ZFR: variants seen among roughly 807,000 people sequenced by gnomAD.
The protein encoded by ZFR is zinc finger RNA binding protein.
ZFR carries 19 observed loss-of-function variants against 130.7 expected under a neutral mutation model. The ratio of observed to expected loss-of-function variants is 0.15; its 90% CI spans 0.10 to 0.21. The LOEUF (loss-of-function observed/expected upper bound fraction) is 0.21, where lower values mean the gene tolerates loss of function less well. Among genes scored for constraint, ZFR ranks in the 10% least tolerant of loss-of-function variants. ZFR has a pLI of 1.00. For synonymous variants in ZFR, 466 were observed against 456.9 expected (o/e 1.02, Z -0.25); for missense variants, 872 against 1,321.5 (o/e 0.66, Z 5.27).
intron 17 of ZFR, among the ~76,000 whole-genome samples, chr5:32,372,598 C>T (rs918291944): frequency 1.3e-5 from 2 of 151,798 alleles, no homozygotes; most frequent in South Asian, 2.1e-4. Context: ...TTTGGGAGGC[C>T]GAGGGGAGCA....
At chr5:32,379,515 T>G in intron 16 of ZFR, 1 of 292,236 alleles carries the variant, frequency 3.4e-6, no homozygotes, top group South Asian at 3.7e-5. Flanking sequence ...CTGCCTACAT[T>G]AGAAATAAAA....
At chr5:32,415,511 TGTGTGC>T (rs1293853976) in intron 4 of ZFR, among the ~76,000 whole-genome samples, 1,210 of 93,508 alleles carry the variant, frequency 0.013, 9 homozygotes, top group African/African-American at 0.059. Flanking sequence ...TGTGTGTGTG[TGTGTGC>T]GCGCGCGCGC....
intron 17 of ZFR, among the ~76,000 whole-genome samples, chr5:32,366,656 A>T (rs1369418542): frequency 6.6e-6 from 1 of 152,224 alleles, no homozygotes; most frequent in Non-Finnish European, 1.5e-5. Flanking sequence ...AAGAGCAATG[A>T]AAATAGAAGA....
chr5:32,366,765 AATTAT>A (rs1752555370), intron 17 of ZFR, among the ~76,000 whole-genome samples: 1 of 152,182 alleles, frequency 6.6e-6, no homozygotes, highest in African/African-American at 2.4e-5. Flanking sequence ...TGGAGGCTAT[AATTAT>A]ATAAGAGAAT....
intron 2 of ZFR, among the ~76,000 whole-genome samples, chr5:32,422,108 GCTCCTTAT>G (rs1019681750): frequency 7.9e-5 from 12 of 151,950 alleles, no homozygotes; most frequent in African/African-American, 2.9e-4. Context: ...TCATCCCACT[GCTCCTTAT>G]CTAGTATTTG....
chr5:32,382,285 T>G, intron 15 of ZFR, among the ~76,000 whole-genome samples: 1 of 152,146 alleles, frequency 6.6e-6, no homozygotes, highest in Admixed American at 6.5e-5. Flanking sequence ...CACTCCAGCC[T>G]GGGTGACAGA....
At chr5:32,383,207 C>T (rs975306074) in intron 15 of ZFR, among the ~76,000 whole-genome samples, 2 of 152,134 alleles carry the variant, frequency 1.3e-5, no homozygotes, top group African/African-American at 2.4e-5. Flanking sequence ...ACAATAAATG[C>T]CAGGCTCTGC....
chr5:32,414,644 A>G (rs2111807077), intron 5 of ZFR, among the ~76,000 whole-genome samples: 1 of 152,308 alleles, frequency 6.6e-6, no homozygotes, highest in South Asian at 2.1e-4. Flanking sequence ...TTGAGTTTTC[A>G]ATTTCATTTG....
At position 32,443,897 on chromosome 5, in the gene ZFR, G is replaced by T. The variant is rs578156490; in HGVS notation, c.137+332C>A. On this transcript the variant is annotated intron_variant, in intron 2 of 19. Coordinates refer to ENST00000265069, the MANE Select transcript of ZFR (RefSeq NM_016107.5). Reference sequence around the variant, plus strand: ...CGCGGAGGCGGGGACTGGGGGGCCTGCCGGGCGGCGGTGGCGGCTCCGCTC... The same window carrying T: ...CGCGGAGGCGGGGACTGGGGGGCCTTCCGGGCGGCGGTGGCGGCTCCGCTC... Among the ~76,000 whole-genome samples, 15 of 152,334 alleles carry T rather than the reference G, an allele frequency of 9.8e-5. No individual in the cohort carries two copies. The East Asian group carries it at 2.9e-3, about 29-fold the overall frequency.
chr5:32,364,365 A>G, intron 17 of ZFR, 90 bp from the exon 18 acceptor site: 1 of 903,832 alleles, frequency 1.1e-6, no homozygotes, highest in South Asian at 1.8e-5. Flanking sequence ...AAAAATTTTA[A>G]AGACTGAAAA....
At chr5:32,402,044 T>C (rs550737417) in intron 8 of ZFR, among the ~76,000 whole-genome samples, 1 of 152,304 alleles carries the variant, frequency 6.6e-6, no homozygotes, top group South Asian at 2.1e-4. Context: ...ATAAAAGATG[T>C]CCAGGGAATA....
Position 32,380,137 on chromosome 5 carries a change from C to G in ZFR, c.2677G>C (p.Val893Leu). The change falls in exon 16 of 20, where the codon GTC (valine) becomes CTC (leucine). Residue 893 changes from valine (V) to leucine (L), a missense_variant. This residue lies in a region of ZFR where 158 missense variants were observed against 264.0 expected (regional missense o/e 0.60). Transcript: ENST00000265069. ...TSGMVKDPPDVLDRQKCLDAL... is the reference protein window; with the variant it reads ...TSGMVKDPPDLLDRQKCLDAL... Reference sequence around the variant, plus strand: ...TCAAGGCATTTTTGCCTGTCCAAGACGTCCGGTGGGTCTTTCACCATACCC... The same window carrying G: ...TCAAGGCATTTTTGCCTGTCCAAGAGGTCCGGTGGGTCTTTCACCATACCC... 1 of 1,614,080 alleles carries G rather than the reference C, an allele frequency of 6.2e-7. No homozygotes were observed. Among genetic ancestry groups the G allele is most frequent in the South Asian group, 1.1e-5 (1 of 91,084 alleles).
At position 32,363,273 on chromosome 5, in the gene ZFR, C is replaced by G. The variant is rs555403862; in HGVS notation, c.3045+675G>C. Among the ~76,000 whole-genome samples, 10 of 152,252 alleles carry G rather than the reference C, an allele frequency of 6.6e-5. No individual in the cohort carries two copies. The Middle Eastern group carries it at 0.01, about 155-fold the overall frequency. ...ATCAACAAAGGGAAGCTGTACCAAT[C>G]TTAGGTTGATTTTTTTCCATTCATT... On this transcript the variant is annotated intron_variant, in intron 19 of 19. Transcript: ENST00000265069.
At chr5:32,414,310 C>A (rs1561906790) in intron 5 of ZFR, among the ~76,000 whole-genome samples, 1 of 152,168 alleles carries the variant, frequency 6.6e-6, no homozygotes, top group Non-Finnish European at 1.5e-5. Context: ...GGGAGGAATA[C>A]AAAAGCTGAG....
At chr5:32,431,761 T>C (rs1213271668) in intron 2 of ZFR, among the ~76,000 whole-genome samples, 1 of 126,634 alleles carries the variant, frequency 7.9e-6, no homozygotes. Flanking sequence ...AAATTAGATA[T>C]AACATTGAAA....
chr5:32,438,819 A>G (rs1754398337), intron 2 of ZFR, among the ~76,000 whole-genome samples: 1 of 152,208 alleles, frequency 6.6e-6, no homozygotes, highest in Non-Finnish European at 1.5e-5. Flanking sequence ...AGGAAACAGC[A>G]TTGATAGGAA....
chr5:32,370,030 T>C lies in ZFR; in HGVS notation c.2836-5755A>G, dbSNP rs79617786. ...ATGGAATCACACAACATGTGACCTT[T>C]TGAGCCTGGATTCTTGCACTTAGCA... is the stretch of plus-strand genomic sequence containing the variant. On this transcript the variant is annotated intron_variant, in intron 17 of 19. Coordinates refer to ENST00000265069, the MANE Select transcript of ZFR (RefSeq NM_016107.5). 1.1e-3 allele frequency among the ~76,000 whole-genome samples: 164 copies of C among 152,162 alleles called. 1 individual carries two copies. The East Asian group carries it at 0.026, about 24-fold the overall frequency.
At chr5:32,385,431 G>A in intron 15 of ZFR, 77 bp downstream of exon 15, 1 of 1,532,322 alleles carries the variant, frequency 6.5e-7, no homozygotes, top group Non-Finnish European at 8.9e-7. Flanking sequence ...TGCCTTCTAG[G>A]GCTTAATGCC....
At position 32,388,479 on chromosome 5, in the gene ZFR, C is replaced by T. The variant is rs930158446; in HGVS notation, c.2338G>A (p.Gly780Ser). The T allele has an allele frequency of 6.2e-7, 1 of 1,613,278 alleles. No homozygotes were observed. Among genetic ancestry groups the T allele is most frequent in the African/African-American group, 1.3e-5 (1 of 75,002 alleles). The change falls in exon 13 of 20, where the codon GGT (glycine) becomes AGT (serine). Residue 780 changes from glycine (G) to serine (S), a missense_variant. This residue lies in a region of ZFR where 225 missense variants were observed against 282.4 expected (regional missense o/e 0.80). Coordinates refer to ENST00000265069, the MANE Select transcript of ZFR (RefSeq NM_016107.5). ...ACTTTCAAAACACACCTGTCTTTAC[C>T]TCCCTCTTTCTTATCATCTCCCTCT... ...NKEGDDKKEG[G>S]KDRALKGVLR...
Sources: gnomAD v4.1 joint callset for allele counts (sites outside exome capture counted in the v4.1 genomes callset) on GRCh38, gnomAD v4.1.1 for gene constraint, gnomAD v4.1.1 regional missense constraint, MANE v1.5 for transcripts, NCBI Gene and HGNC (gene_info 2026-07-23, HGNC 2026-07-21) for gene names.